Variants in SSBP3 observed in about 807,000 individuals in gnomAD.
SSBP3 encodes the protein single stranded DNA binding protein 3.
SSBP3 carries 5 observed loss-of-function variants against 69.6 expected under a neutral mutation model. The ratio of observed to expected loss-of-function variants is 0.07; its 90% CI spans 0.04 to 0.15. The LOEUF (loss-of-function observed/expected upper bound fraction) is 0.15. Among genes scored for constraint, SSBP3 ranks in the 10% least tolerant of loss-of-function variants. The pLI is 1.00. For missense variants in SSBP3, 312 were observed against 534.0 expected, an observed-to-expected ratio of 0.58 and a Z score of 4.10; for synonymous variants, 196 against 193.4, an observed-to-expected ratio of 1.01 and a Z score of -0.11.
chr1:54,334,665 G>A (rs1483982099), intron 4 of SSBP3, among the ~76,000 whole-genome samples: 1 of 152,174 alleles, frequency 6.6e-6, no homozygotes, highest in Non-Finnish European at 1.5e-5. Flanking sequence ...AAGAATGGAA[G>A]AATAATGCAT....
intron 9 of SSBP3, among the ~76,000 whole-genome samples, chr1:54,247,801 A>C (rs1170592195): frequency 6.6e-6 from 1 of 152,226 alleles, no homozygotes; most frequent in Non-Finnish European, 1.5e-5. Flanking sequence ...GGAGCCCCTC[A>C]GTTTTAGCTT....
At chr1:54,236,119 ATTTTT>A (rs147285753) in intron 14 of SSBP3, among the ~76,000 whole-genome samples, 2 of 150,154 alleles carry the variant, frequency 1.3e-5, no homozygotes, top group African/African-American at 2.4e-5. Flanking sequence ...GTGTTTATGT[ATTTTT>A]TTTTTCTTTG....
At position 54,393,640 on chromosome 1, in the gene SSBP3, T is replaced by G. The variant is rs113774405; in HGVS notation, c.276+8221A>C. Reference sequence around the variant, plus strand: ...CCACGTCTCTACAAAACATTAAAAATAAAATTAAAAAAGAAAAATGACAGC... The same window carrying G: ...CCACGTCTCTACAAAACATTAAAAAGAAAATTAAAAAAGAAAAATGACAGC... On this transcript the variant is annotated intron_variant, in intron 4 of 17. Coordinates refer to ENST00000610401, the Ensembl canonical transcript of SSBP3. Among the ~76,000 whole-genome samples, 582 of 152,216 alleles carry G rather than the reference T, an allele frequency of 3.8e-3. 20 individuals carry two copies. The South Asian group carries it at 0.041, about 11-fold the overall frequency.
rs76959277 is a variant in SSBP3, at chr1:54,345,211, T to C, written c.276+56650A>G. 5.4e-3 allele frequency among the ~76,000 whole-genome samples: 816 copies of C among 152,294 alleles called. 41 individuals carry two copies. The East Asian group carries it at 0.12, about 23-fold the overall frequency. ...AAGAAAAAGGGCTGAACCCAGCCGT[T>C]AGAAACTAACTTACACTTGGCTTCT... On this transcript the variant is annotated intron_variant, in intron 4 of 17. Coordinates refer to ENST00000610401, the Ensembl canonical transcript of SSBP3.
intron 4 of SSBP3, among the ~76,000 whole-genome samples, chr1:54,368,173 C>A (rs1487890983): frequency 6.6e-6 from 1 of 151,332 alleles, no homozygotes; most frequent in African/African-American, 2.4e-5. Context: ...TGGTGCGCAC[C>A]TGTAGTCCCA....
intron 5 of SSBP3, among the ~76,000 whole-genome samples, chr1:54,259,130 C>T (rs1324581268): frequency 1.3e-5 from 2 of 151,758 alleles, no homozygotes; most frequent in Non-Finnish European, 2.9e-5. Context: ...CCCACCCCCA[C>T]CGCCTCAACC....
In SSBP3 at chr1:54,264,297, TA is replaced by T. The variant is rs904696489; in HGVS notation, c.367-6149del. The stretch of plus-strand genomic sequence containing the variant: ...AGCCTGGGTGACGGTGAGACCTGCC[TA>T]AAAAAACGAAACAAAACAAAACCAA... On this transcript the variant is annotated intron_variant, in intron 5 of 17. Coordinates refer to ENST00000610401, the Ensembl canonical transcript of SSBP3. Among the ~76,000 whole-genome samples, 10 of 152,134 alleles carry T rather than the reference TA, an allele frequency of 6.6e-5. No individual in the cohort carries two copies. In the East Asian group the frequency reaches 1.9e-3, roughly 29 times the overall value.
intron 9 of SSBP3, 111 bp from the exon 10 acceptor site, chr1:54,243,410 T>C (rs1388118213): frequency 1.1e-5 from 14 of 1,328,866 alleles, no homozygotes; most frequent in Admixed American, 3.5e-5. Flanking sequence ...GTGAAAAGGA[T>C]TGATGAGAAA....
At chr1:54,377,702 C>T (rs977609905) in intron 4 of SSBP3, among the ~76,000 whole-genome samples, 1 of 152,180 alleles carries the variant, frequency 6.6e-6, no homozygotes, top group African/African-American at 2.4e-5. Flanking sequence ...AAGCATCATA[C>T]ACAAAGCTGA....
intron 4 of SSBP3, among the ~76,000 whole-genome samples, chr1:54,347,370 TAAAA>T (rs201565456): frequency 7.1e-6 from 1 of 140,368 alleles, no homozygotes; most frequent in Non-Finnish European, 1.6e-5. Flanking sequence ...GTCCCCTTTT[TAAAA>T]AAAAAAAAAA....
chr1:54,347,933 A>G (rs1291449614), intron 4 of SSBP3, among the ~76,000 whole-genome samples: 2 of 152,172 alleles, frequency 1.3e-5, no homozygotes, highest in East Asian at 3.9e-4. Context: ...GTACTTTGTT[A>G]CTGCGTCTAG....
At chr1:54,411,275 C>T (rs558706809), upstream of SSBP3, among the ~76,000 whole-genome samples, 3 of 151,934 alleles carry the variant, frequency 2.0e-5, no homozygotes, top group Non-Finnish European at 2.9e-5. Context: ...GTCAAGAGTT[C>T]GAGACCAGCC....
intron 4 of SSBP3, among the ~76,000 whole-genome samples, chr1:54,396,339 G>C (rs761165407): frequency 6.6e-6 from 1 of 152,000 alleles, no homozygotes; most frequent in Non-Finnish European, 1.5e-5. Context: ...TTGTGCCGTG[G>C]TCAGAATTAT....
chr1:54,260,254 G>A (rs1484981176), intron 5 of SSBP3, among the ~76,000 whole-genome samples: 3 of 152,226 alleles, frequency 2.0e-5, no homozygotes, highest in Admixed American at 6.5e-5. Flanking sequence ...TGCCAAGAGG[G>A]GGCAAAAGGC....
intron 4 of SSBP3, among the ~76,000 whole-genome samples, chr1:54,308,129 CAA>C: frequency 6.6e-6 from 1 of 152,288 alleles, no homozygotes; most frequent in East Asian, 1.9e-4. Flanking sequence ...AAACAACCTC[CAA>C]ACCCCTTACC....
intron 4 of SSBP3, among the ~76,000 whole-genome samples, chr1:54,335,365 A>G (rs1646490448): frequency 6.6e-6 from 1 of 152,204 alleles, no homozygotes; most frequent in Non-Finnish European, 1.5e-5. Flanking sequence ...AGAAAGCTGC[A>G]TTTCTGGGAA....
chr1:54,273,266 CAGAGGG>C (rs764068584), intron 5 of SSBP3, among the ~76,000 whole-genome samples: 6 of 152,242 alleles, frequency 3.9e-5, no homozygotes, highest in Non-Finnish European at 7.3e-5. Context: ...TCACGTTTTT[CAGAGGG>C]GGAGGGAGAG....
chr1:54,382,149 G>A (rs1647702942), intron 4 of SSBP3, among the ~76,000 whole-genome samples: 1 of 152,214 alleles, frequency 6.6e-6, no homozygotes, highest in Non-Finnish European at 1.5e-5. Flanking sequence ...AGCCGAGACT[G>A]TGCCACTGCA....
chr1:54,322,043 C>T (rs1167710904), intron 4 of SSBP3, among the ~76,000 whole-genome samples: 3 of 152,196 alleles, frequency 2.0e-5, no homozygotes, highest in Non-Finnish European at 2.9e-5. Context: ...TCTACCAGAC[C>T]TCAAAGGCTG....
Sources: gnomAD v4.1 joint callset for allele counts (sites outside exome capture counted in the v4.1 genomes callset) on GRCh38, gnomAD v4.1.1 for gene constraint, MANE v1.5 for transcripts, NCBI Gene and HGNC (gene_info 2026-07-23, HGNC 2026-07-21) for gene names.